Variants in CPSF3 observed in about 807,000 individuals in gnomAD.
CPSF3 encodes the protein cleavage and polyadenylation specificity factor subunit 3.
In CPSF3, 57 loss-of-function variants were observed where a neutral mutation model predicts 84.1. That is an observed-to-expected ratio of 0.68 (90% confidence interval 0.55 to 0.85). CPSF3 has a LOEUF of 0.85. Ranked by LOEUF, CPSF3 falls within the 40% of genes least tolerant of loss-of-function variation. The pLI is 0.00. For missense variants in CPSF3, 522 were observed against 838.8 expected (o/e 0.62, Z 4.66); for synonymous variants, 275 against 278.1 (o/e 0.99, Z 0.11).
rs1421340743 is a variant in CPSF3, at chr2:9,430,025, G to C, written c.212+5G>C. The C allele has an allele frequency of 2.7e-6, 4 of 1,482,526 alleles. No individual in the cohort carries two copies. In the South Asian group the frequency reaches 5.1e-5, roughly 19 times the overall value. The allele number at this position is 1,482,526 out of a possible 1,614,324, so 91.8% of individuals were successfully genotyped here. Reference sequence around the variant, plus strand: ...TGATCTCCTATTAATTAGTCAGTAAGTTTTTCCCTTTATTAATGACACTTT... The same window carrying C: ...TGATCTCCTATTAATTAGTCAGTAACTTTTTCCCTTTATTAATGACACTTT... On this transcript the variant is annotated splice_donor_5th_base_variant and intron_variant, in intron 3 of 17. Coordinates refer to ENST00000238112, the MANE Select transcript of CPSF3 (RefSeq NM_016207.4).
chr2:9,471,531 T>C, intron 17 of CPSF3, 92 bp downstream of exon 17: 1 of 774,654 alleles, frequency 1.3e-6, no homozygotes, highest in South Asian at 1.5e-5. Context: ...CAGTCTACTG[T>C]TGCATATTGG....
intron 16 of CPSF3, among the ~76,000 whole-genome samples, chr2:9,468,520 A>C (rs1375063357): frequency 6.6e-6 from 1 of 151,938 alleles, no homozygotes; most frequent in African/African-American, 2.4e-5. Context: ...CCCTTGCCCC[A>C]TGAAACGGTT....
At chr2:9,456,673 A>G (rs1384476913) in intron 13 of CPSF3, among the ~76,000 whole-genome samples, 2 of 152,240 alleles carry the variant, frequency 1.3e-5, no homozygotes, top group Non-Finnish European at 2.9e-5. Flanking sequence ...TACAAAAGAT[A>G]GATGTTTGAG....
intron 7 of CPSF3, among the ~76,000 whole-genome samples, chr2:9,437,320 C>A (rs935948077): frequency 6.6e-5 from 10 of 152,066 alleles, no homozygotes; most frequent in Non-Finnish European, 7.4e-5. Context: ...ATGAGAATTG[C>A]TTGAGCCTGG....
chr2:9,432,610 G>C lies in CPSF3; in HGVS notation c.441G>C (p.Ala147=). The part of the protein sequence containing the change: ...TINFHEVKEV[A]GIKFWCYHAG... ...ACTTTCATGAAGTTAAGGAAGTTGC[G>C]GGAATCAAGTTTTGGTGTTACCATG... The change falls in exon 5 of 18, where the codon GCG becomes GCC. Residue 147 remains alanine, a synonymous_variant. Coordinates refer to ENST00000238112, the MANE Select transcript of CPSF3 (RefSeq NM_016207.4). The C allele has an allele frequency of 6.3e-7, 1 of 1,591,116 alleles. No homozygotes were observed. The highest frequency in any genetic ancestry group is 1.7e-4 in the Middle Eastern group (1 of 5,976).
At chr2:9,452,624 A>T (rs944765179) in intron 11 of CPSF3, among the ~76,000 whole-genome samples, 2 of 152,112 alleles carry the variant, frequency 1.3e-5, no homozygotes, top group South Asian at 4.1e-4. Context: ...CAGTGCAGCT[A>T]GTGAGAGCTT....
chr2:9,438,603 C>T (rs1290425253), intron 7 of CPSF3, among the ~76,000 whole-genome samples: 2 of 150,736 alleles, frequency 1.3e-5, no homozygotes, highest in Non-Finnish European at 2.9e-5. Context: ...ACAACGTCTG[C>T]CTCCCGGGTT....
intron 6 of CPSF3, among the ~76,000 whole-genome samples, chr2:9,435,434 T>A (rs1170115196): frequency 6.6e-5 from 10 of 152,014 alleles, no homozygotes; most frequent in Non-Finnish European, 1.0e-4. Context: ...CATTCTTTTT[T>A]TTTTTTTTTG....
At chr2:9,432,893 A>G (rs1475347969) in intron 5 of CPSF3, among the ~76,000 whole-genome samples, 4 of 152,184 alleles carry the variant, frequency 2.6e-5, no homozygotes, top group East Asian at 1.9e-4. Context: ...AAGACTGAGG[A>G]AAAAAAAATT....
rs528426532 is a variant in CPSF3, at chr2:9,439,563, G to C, written c.761-928G>C. Among the ~76,000 whole-genome samples the C allele has an allele frequency of 1.2e-4, 19 of 152,122 alleles. 1 individual carries two copies. Among genetic ancestry groups the C allele is most frequent in the Admixed American group, 1.2e-3 (19 of 15,264 alleles). On this transcript the variant is annotated intron_variant, in intron 7 of 17. Coordinates refer to ENST00000238112, the MANE Select transcript of CPSF3 (RefSeq NM_016207.4). ...TGCAGAGGCACCTATTAGAATAAAG[G>C]GTGTCTTTCAGCCATACTACCCTGA...
chr2:9,447,260 A>G (rs1412060386), intron 10 of CPSF3, among the ~76,000 whole-genome samples: 2 of 151,972 alleles, frequency 1.3e-5, no homozygotes, highest in Non-Finnish European at 2.9e-5. Flanking sequence ...TGGGCAGATC[A>G]CTTGAGCCCA....
In CPSF3 at chr2:9,436,364, A is replaced by G; in HGVS notation, c.760+3A>G. The G allele has an allele frequency of 1.2e-6, 2 of 1,601,028 alleles. No homozygotes were observed. Among genetic ancestry groups the G allele is most frequent in the Non-Finnish European group, 1.7e-6 (2 of 1,175,872 alleles). On this transcript the variant is annotated splice_donor_region_variant and intron_variant, in intron 7 of 17. Coordinates refer to ENST00000238112, the MANE Select transcript of CPSF3 (RefSeq NM_016207.4). ...TCAGGAGCTGCTCTTGATTCTAGGTATGCCATTTCCTTTGTATTTAGGCGA... is the reference window on the plus strand; with the variant it reads ...TCAGGAGCTGCTCTTGATTCTAGGTGTGCCATTTCCTTTGTATTTAGGCGA...
intron 6 of CPSF3, 119 bp from the exon 7 acceptor site, chr2:9,436,092 T>C (rs1680771263): frequency 1.2e-6 from 1 of 830,512 alleles, no homozygotes. Flanking sequence ...CATGTTCGAG[T>C]AAATGACATG....
chr2:9,440,493 G>A lies in CPSF3; in HGVS notation c.763G>A (p.Glu255Lys). 6.2e-7 allele frequency: 1 copy of A among 1,611,698 alleles called. No homozygotes were observed. The highest frequency in any genetic ancestry group is 1.1e-5 in the South Asian group (1 of 90,796). The change falls in exon 8 of 18, where the codon GAG becomes AAG. Residue 255 changes from glutamate (E) to lysine (K), a missense_variant and splice_region_variant. Physicochemically the swap from Glu to Lys is moderately conservative, Grantham distance 56 (BLOSUM62 1). Transcript: ENST00000238112. ...TGTTTCTTGCAAAATCTCTCTAGATGAGTACTGGCAGAATCACCCAGAACT... is the reference window on the plus strand; with the variant it reads ...TGTTTCTTGCAAAATCTCTCTAGATAAGTACTGGCAGAATCACCCAGAACT... The part of the protein sequence containing the change: ...RAQELLLILD[E>K]YWQNHPELHD...
At chr2:9,449,263 G>T (rs1466972639) in intron 11 of CPSF3, among the ~76,000 whole-genome samples, 1 of 151,982 alleles carries the variant, frequency 6.6e-6, no homozygotes, top group Non-Finnish European at 1.5e-5. Flanking sequence ...GGTCGCAGGT[G>T]CCTGTAATCC....
chr2:9,468,753 A>C (rs1474536924), intron 16 of CPSF3, among the ~76,000 whole-genome samples: 1 of 150,714 alleles, frequency 6.6e-6, no homozygotes, highest in Non-Finnish European at 1.5e-5. Flanking sequence ...CAACCTCCCG[A>C]GCAAGTGGGA....
chr2:9,447,496 A>G (rs1681166112), intron 10 of CPSF3, among the ~76,000 whole-genome samples: 1 of 151,486 alleles, frequency 6.6e-6, no homozygotes, highest in Admixed American at 6.6e-5. Context: ...ATATCAATAT[A>G]TGAGGTAGGC....
intron 11 of CPSF3, among the ~76,000 whole-genome samples, chr2:9,450,147 ATTTTTTT>A (rs750560891): frequency 5.9e-4 from 72 of 122,680 alleles, no homozygotes; most frequent in African/African-American, 2.0e-3. Context: ...ACAGGCACAA[ATTTTTTT>A]TTTTTTTTTT....
At chr2:9,457,357 A>G (rs1248527798) in intron 14 of CPSF3, among the ~76,000 whole-genome samples, 1 of 152,168 alleles carries the variant, frequency 6.6e-6, no homozygotes, top group Non-Finnish European at 1.5e-5. Context: ...GTCTTTAGTT[A>G]TATCAGAAGG....
Sources: gnomAD v4.1 joint callset for allele counts (sites outside exome capture counted in the v4.1 genomes callset) on GRCh38, gnomAD v4.1.1 for gene constraint, MANE v1.5 for transcripts, NCBI Gene and HGNC (gene_info 2026-07-23, HGNC 2026-07-21) for gene names.